Variants in SUN1 observed in about 807,000 individuals in gnomAD.
SUN1 encodes Sad1 and UNC84 domain containing 1.
Under a neutral mutation model 103.2 loss-of-function variants are expected in SUN1, and 61 were observed. The ratio of observed to expected loss-of-function variants is 0.59; its 90% CI spans 0.48 to 0.73. SUN1 has a LOEUF of 0.73. Ranked by LOEUF, SUN1 falls within the 30% of genes least tolerant of loss-of-function variation. SUN1 has a pLI of 0.00. For missense variants in SUN1, 1,052 were observed against 1,034.6 expected (o/e 1.02, Z -0.23); for synonymous variants, 490 against 425.7 (o/e 1.15, Z -1.86).
chr7:827,476 T>TTTG (rs1554260664), upstream of SUN1, among the ~76,000 whole-genome samples: 4 of 141,070 alleles, frequency 2.8e-5, no homozygotes, highest in African/African-American at 1.0e-4. Flanking sequence ...GTTTTTTTTT[T>TTTG]TTTTTTTTTT....
At chr7:844,801 G>A (rs967123877) in intron 5 of SUN1, among the ~76,000 whole-genome samples, 2 of 152,160 alleles carry the variant, frequency 1.3e-5, no homozygotes, top group African/African-American at 4.8e-5. Context: ...GGCTTAGCCA[G>A]CTCAGGAGGC....
chr7:831,939 C>A, upstream of SUN1: 1 of 634,814 alleles, frequency 1.6e-6, no homozygotes, highest in Non-Finnish European at 2.0e-6. Context: ...TCAACACTTT[C>A]TAACCTAAAA....
intron 16 of SUN1, 137 bp downstream of exon 16, chr7:866,204 C>T (rs1038242287): frequency 1.5e-5 from 11 of 727,364 alleles, no homozygotes; most frequent in African/African-American, 5.3e-5. Flanking sequence ...GAAGTGGCAG[C>T]GTTCCCACAC....
intron 5 of SUN1, among the ~76,000 whole-genome samples, chr7:847,495 G>A (rs1455730757): frequency 3.8e-5 from 4 of 106,058 alleles, no homozygotes; most frequent in Non-Finnish European, 6.1e-5. Flanking sequence ...ACCCCACAGC[G>A]CCGTGCGCCA....
chr7:823,800 G>A (rs1041542491), intron 1 of SUN1, among the ~76,000 whole-genome samples: 5 of 152,168 alleles, frequency 3.3e-5, no homozygotes, highest in Admixed American at 1.3e-4. Flanking sequence ...TGGAGAGGGG[G>A]CATGGGGCAC....
At chr7:830,242 T>C (rs1282838726), upstream of SUN1, among the ~76,000 whole-genome samples, 1 of 152,174 alleles carries the variant, frequency 6.6e-6, no homozygotes, top group Non-Finnish European at 1.5e-5. Flanking sequence ...CTGGGGCACA[T>C]TGTCACAGCC....
At chr7:849,441 T>C (rs1471261236) in intron 5 of SUN1, 1 of 1,084,008 alleles carries the variant, frequency 9.2e-7, no homozygotes, top group Non-Finnish European at 1.3e-6. Flanking sequence ...CCTCTGATCA[T>C]GTTGACTTCA....
intron 5 of SUN1, chr7:848,377 T>TATA: frequency 3.0e-6 from 4 of 1,335,272 alleles, no homozygotes; most frequent in Non-Finnish European, 4.0e-6. Context: ...AGATATTGGC[T>TATA]TTATGGGAAG....
chr7:832,466 C>T (rs762894348), upstream of SUN1: 2 of 1,541,694 alleles, frequency 1.3e-6, no homozygotes, highest in Non-Finnish European at 1.8e-6. Context: ...GATTTCCTGC[C>T]CGTTAAAACA....
chr7:871,519 C>G (rs978668217), intron 17 of SUN1, among the ~76,000 whole-genome samples: 10 of 152,200 alleles, frequency 6.6e-5, no homozygotes, highest in African/African-American at 2.4e-4. Context: ...TCCCGAGTAG[C>G]CGGGACCACA....
chr7:819,811 C>T lies in SUN1; in HGVS notation c.-74+3138C>T, dbSNP rs183196516. On this transcript the variant is annotated intron_variant, in intron 1 of 17. Coordinates refer to the SUN1 transcript ENST00000389574. ...GCAACCTCCGCCTCCCAGGTTCAAACGCTTCTCCCGCCTCAGCCTCCCAAG... is the reference window on the plus strand; with the variant it reads ...GCAACCTCCGCCTCCCAGGTTCAAATGCTTCTCCCGCCTCAGCCTCCCAAG... Among the ~76,000 whole-genome samples, 51 of 149,378 alleles carry T rather than the reference C, an allele frequency of 3.4e-4. No individual in the cohort carries two copies. The East Asian group carries it at 8.6e-3, about 25-fold the overall frequency.
intron 15 of SUN1, 28 bp from the exon 16 acceptor site, chr7:865,924 C>G: frequency 6.2e-7 from 1 of 1,601,184 alleles, no homozygotes; most frequent in Non-Finnish European, 8.6e-7. Context: ...GAACTGGACA[C>G]TGAGACCGAT....
chr7:843,590 C>G (rs751449396), intron 5 of SUN1, 70 bp downstream of exon 5: 8 of 1,612,974 alleles, frequency 5.0e-6, no homozygotes, highest in Middle Eastern at 1.6e-4. Flanking sequence ...TTCTGTAAGT[C>G]TCAGTGTCTG....
chr7:868,113 G>A (rs555879884), intron 16 of SUN1, among the ~76,000 whole-genome samples: 80 of 152,352 alleles, frequency 5.3e-4, no homozygotes, highest in South Asian at 2.5e-3. Flanking sequence ...AGAAGCCGGC[G>A]GGTACGTGCC....
At chr7:871,392 A>G (rs1554265666) in intron 17 of SUN1, among the ~76,000 whole-genome samples, 1 of 151,868 alleles carries the variant, frequency 6.6e-6, no homozygotes, top group Non-Finnish European at 1.5e-5. Flanking sequence ...AGTCTTTCAG[A>G]GGTTTTTATT....
chr7:873,477 G>A lies in SUN1; in HGVS notation c.*146G>A, dbSNP rs536474158. The A allele has an allele frequency of 2.1e-5, 17 of 817,836 alleles. No homozygotes were observed. The highest frequency in any genetic ancestry group is 1.1e-4 in the South Asian group (6 of 56,318). The allele number at this position is 817,836 out of a possible 1,614,324, so 50.7% of individuals were successfully genotyped here. A position where few individuals can be genotyped will look rare whatever the true frequency, so the allele number is the denominator to read the frequency against. ...TGGCTGCTGGCCAGAGGACGTGAGC[G>A]TGTGACGGGCGCCTTGGCGCCACCT... On this transcript the variant is annotated 3_prime_UTR_variant, in exon 19 of 19. Transcript: ENST00000401592.
chr7:868,451 T>G, intron 16 of SUN1: 1 of 296,316 alleles, frequency 3.4e-6, no homozygotes, highest in South Asian at 2.8e-5. Flanking sequence ...GAACGTGCAT[T>G]TTCCCAGGGC....
At chr7:859,546 G>A (rs905523115) in intron 13 of SUN1, among the ~76,000 whole-genome samples, 1 of 152,210 alleles carries the variant, frequency 6.6e-6, no homozygotes, top group African/African-American at 2.4e-5. Flanking sequence ...GGGGGTGTGG[G>A]CTAGAGAAGG....
At position 865,787 on chromosome 7, in the gene SUN1, G is replaced by T. The variant is rs528427967; in HGVS notation, c.1865-165G>T. 1.3e-4 allele frequency among the ~76,000 whole-genome samples: 20 copies of T among 152,262 alleles called. No homozygotes were observed. The South Asian group carries it at 4.1e-3, about 32-fold the overall frequency. ...TTTAGGATAGAAGCCATTGTAACTGGGGGGAGAAGAGATCTAATTGTAGTT... is the reference window on the plus strand; with the variant it reads ...TTTAGGATAGAAGCCATTGTAACTGTGGGGAGAAGAGATCTAATTGTAGTT... On this transcript the variant is annotated intron_variant, in intron 15 of 18. Coordinates refer to ENST00000401592, the MANE Select transcript of SUN1 (RefSeq NM_001130965.3).
Sources: allele counts gnomAD v4.1 joint callset (sites outside exome capture counted in the v4.1 genomes callset), GRCh38; gene constraint gnomAD v4.1.1; transcripts MANE v1.5; gene names NCBI Gene and HGNC (gene_info 2026-07-23, HGNC 2026-07-21).